KANK1: variants seen among roughly 807,000 people sequenced by gnomAD.
KANK1 encodes KN motif and ankyrin repeat domain-containing protein 1.
A neutral mutation model predicts 106.2 loss-of-function variants in KANK1; 109 were observed. The ratio of observed to expected loss-of-function variants is 1.03; its 90% CI spans 0.88 to 1.20. The LOEUF (loss-of-function observed/expected upper bound fraction) is 1.20. Ranked by LOEUF, KANK1 falls within the 50% of genes most tolerant of loss-of-function variation. KANK1 has a pLI of 0.00. For synonymous variants in KANK1, 873 were observed against 652.2 expected (o/e 1.34, Z -5.16); for missense variants, 2,399 against 1,710.7 (o/e 1.40, Z -7.10).
At chr9:594,548 C>G (rs1825763294) in intron 1 of KANK1, among the ~76,000 whole-genome samples, 1 of 151,798 alleles carries the variant, frequency 6.6e-6, no homozygotes, top group Non-Finnish European at 1.5e-5. Flanking sequence ...CTGCCAGAGA[C>G]TAAAGTGAGC....
chr9:687,413 G>C (rs16922561), intron 2 of KANK1, among the ~76,000 whole-genome samples: 1 of 152,160 alleles, frequency 6.6e-6, no homozygotes, highest in East Asian at 1.9e-4. Flanking sequence ...TCTTAACTCT[G>C]AACTTTTGTT....
At chr9:725,823 A>T (rs186831934) in intron 3 of KANK1, among the ~76,000 whole-genome samples, 12 of 152,314 alleles carry the variant, frequency 7.9e-5, no homozygotes, top group African/African-American at 2.6e-4. Context: ...AATACAATCA[A>T]CACTTAAGCT....
At chr9:651,862 C>A (rs1840952497) in intron 1 of KANK1, among the ~76,000 whole-genome samples, 1 of 151,938 alleles carries the variant, frequency 6.6e-6, no homozygotes, top group African/African-American at 2.4e-5. Flanking sequence ...TGCTCTGAGC[C>A]AGAAATGAAA....
chr9:492,609 T>G (rs2065395461), intron 3 of KANK1, among the ~76,000 whole-genome samples: 1 of 149,330 alleles, frequency 6.7e-6, no homozygotes, highest in Non-Finnish European at 1.5e-5. Context: ...TAAGTAAATA[T>G]CATTATTTAT....
At chr9:650,732 G>A (rs1840700033) in intron 1 of KANK1, among the ~76,000 whole-genome samples, 1 of 151,688 alleles carries the variant, frequency 6.6e-6, no homozygotes, top group African/African-American at 2.4e-5. Context: ...ATTGTCCCCG[G>A]TCTCTTTACC....
At chr9:589,057 T>C (rs1824200893) in intron 1 of KANK1, among the ~76,000 whole-genome samples, 1 of 152,214 alleles carries the variant, frequency 6.6e-6, no homozygotes, top group African/African-American at 2.4e-5. Flanking sequence ...AGATCACAAA[T>C]TACCTTCCGT....
chr9:569,104 G>A (rs1231755337), intron 1 of KANK1, among the ~76,000 whole-genome samples: 1 of 152,066 alleles, frequency 6.6e-6, no homozygotes, highest in Admixed American at 6.5e-5. Flanking sequence ...CTCAGTATCT[G>A]CCTGACACAC....
Position 595,793 on chromosome 9 carries a change from A to G in KANK1, c.-83-81097A>G, listed in dbSNP as rs183818317. Reference sequence around the variant, plus strand: ...TGCATGGACCTCCCAAAGTGCTGGGATTATAGGCATGAGCCACTGTGCCCA... The same window carrying G: ...TGCATGGACCTCCCAAAGTGCTGGGGTTATAGGCATGAGCCACTGTGCCCA... On this transcript the variant is annotated intron_variant, in intron 1 of 11. Transcript: ENST00000382297. Among the ~76,000 whole-genome samples, 284 of 151,992 alleles carry G rather than the reference A, an allele frequency of 1.9e-3. 2 individuals carry two copies. Among genetic ancestry groups the G allele is most frequent in the Middle Eastern group, 6.8e-3 (2 of 294 alleles).
chr9:533,227 G>T (rs982834817), intron 1 of KANK1, among the ~76,000 whole-genome samples: 2 of 152,170 alleles, frequency 1.3e-5, no homozygotes, highest in Non-Finnish European at 2.9e-5. Flanking sequence ...ATTTGGAGGG[G>T]TCATAGCTGT....
At chr9:594,561 G>T (rs530432778) in intron 1 of KANK1, among the ~76,000 whole-genome samples, 1 of 151,850 alleles carries the variant, frequency 6.6e-6, no homozygotes, top group East Asian at 1.9e-4. Flanking sequence ...AAGTGAGCCA[G>T]AAATACTCTA....
At chr9:610,256 A>C (rs1457118846) in intron 1 of KANK1, among the ~76,000 whole-genome samples, 1 of 152,218 alleles carries the variant, frequency 6.6e-6, no homozygotes, top group African/African-American at 2.4e-5. Flanking sequence ...AAAGTAACAC[A>C]ATTATCCTAA....
intron 1 of KANK1, chr9:539,687 G>A: frequency 6.7e-6 from 1 of 149,958 alleles, no homozygotes; most frequent in Non-Finnish European, 1.5e-5. Flanking sequence ...AGACATCTCT[G>A]CGTTACCCAG....
intron 1 of KANK1, among the ~76,000 whole-genome samples, chr9:670,228 G>T (rs1262427203): frequency 1.3e-5 from 2 of 152,000 alleles, no homozygotes; most frequent in African/African-American, 2.4e-5. Context: ...GTCAGTCACT[G>T]GTTCCTTGCT....
At chr9:600,701 T>C (rs762879217) in intron 1 of KANK1, among the ~76,000 whole-genome samples, 2 of 151,760 alleles carry the variant, frequency 1.3e-5, no homozygotes, top group Non-Finnish European at 2.9e-5. Context: ...TAACTTTCAT[T>C]ATCCCTCCAC....
chr9:662,087 G>T (rs1440652821), intron 1 of KANK1, among the ~76,000 whole-genome samples: 12 of 152,050 alleles, frequency 7.9e-5, no homozygotes, highest in Non-Finnish European at 1.8e-4. Flanking sequence ...TTGCTTGAAA[G>T]AGAATAAAAT....
chr9:676,345 A>G (rs370222247), intron 1 of KANK1, among the ~76,000 whole-genome samples: 1 of 152,198 alleles, frequency 6.6e-6, no homozygotes, highest in Admixed American at 6.5e-5. Flanking sequence ...GTTTAAGAGG[A>G]GGAGGACTGA....
chr9:714,778 C>CT (rs1252058883), intron 3 of KANK1, among the ~76,000 whole-genome samples: 1 of 152,136 alleles, frequency 6.6e-6, no homozygotes, highest in African/African-American at 2.4e-5. Context: ...GATTTTATGG[C>CT]TTACAGTAAT....
Position 742,400 on chromosome 9 carries a change from G to A in KANK1, c.3892G>A (p.Asp1298Asn). 2 of 1,612,140 alleles carry A rather than the reference G, an allele frequency of 1.2e-6. No individual in the cohort carries two copies. Among genetic ancestry groups the A allele is most frequent in the Non-Finnish European group, 1.7e-6 (2 of 1,179,062 alleles). Reference sequence around the variant, plus strand: ...GCCCGGCTGCAACGGTCACCTAGAGGACAACGTAAGCTGTCTCCATTGGGC... The same window carrying A: ...GCCCGGCTGCAACGGTCACCTAGAGAACAACGTAAGCTGTCTCCATTGGGC... ...AQPGCNGHLE[D>N]NDGSTALSIA... Residue 1298 changes from aspartate (D) to asparagine (N), a missense_variant, in exon 10 of 12, where the codon GAC becomes AAC. By Grantham distance (23) the Asp-to-Asn change is conservative (BLOSUM62 1). Transcript: ENST00000382297.
chr9:485,936 C>G (rs2058287316), intron 3 of KANK1, among the ~76,000 whole-genome samples: 2 of 151,858 alleles, frequency 1.3e-5, no homozygotes, highest in South Asian at 4.2e-4. Context: ...CCGGAGGTCC[C>G]TGGTTGAGGC....
Sources: allele counts gnomAD v4.1 joint callset (sites outside exome capture counted in the v4.1 genomes callset), GRCh38; gene constraint gnomAD v4.1.1; transcripts MANE v1.5; gene names NCBI Gene and HGNC (gene_info 2026-07-23, HGNC 2026-07-21).